UNC5C: variants seen among roughly 807,000 people sequenced by gnomAD.
The protein encoded by UNC5C is unc-5 netrin receptor C.
Under a neutral mutation model 99.8 loss-of-function variants are expected in UNC5C, and 47 were observed. The observed-to-expected ratio is 0.47, with a 90% CI of 0.37 to 0.60. The LOEUF (loss-of-function observed/expected upper bound fraction) is 0.60. Ranked by LOEUF, UNC5C falls within the 20% of genes least tolerant of loss-of-function variation. UNC5C has a pLI of 0.00. For missense variants in UNC5C, 1,062 were observed against 1,165.9 expected (o/e 0.91, Z 1.30); for synonymous variants, 487 against 452.2 (o/e 1.08, Z -0.98).
chr4:95,509,199 T>C (rs1235806306), intron 1 of UNC5C, among the ~76,000 whole-genome samples: 2 of 151,840 alleles, frequency 1.3e-5, no homozygotes, highest in African/African-American at 4.8e-5. Flanking sequence ...GAGAAAATTT[T>C]TTTGTAGTTT....
chr4:95,404,899 C>T (rs764155516), intron 1 of UNC5C, among the ~76,000 whole-genome samples: 4 of 152,112 alleles, frequency 2.6e-5, no homozygotes, highest in African/African-American at 4.8e-5. Context: ...ATCTGAACGC[C>T]GAGAGGAGTC....
chr4:95,394,027 G>T (rs954659605), intron 1 of UNC5C, among the ~76,000 whole-genome samples: 3 of 151,946 alleles, frequency 2.0e-5, no homozygotes, highest in African/African-American at 7.3e-5. Context: ...TGTATGGCTG[G>T]GTAGCTAAGG....
At chr4:95,525,596 T>TATAAAAAA (rs1722476764) in intron 1 of UNC5C, among the ~76,000 whole-genome samples, 1 of 102,162 alleles carries the variant, frequency 9.8e-6, no homozygotes, top group Non-Finnish European at 1.9e-5. Context: ...GCCTATTTCT[T>TATAAAAAA]AAAAAAAAAA....
At chr4:95,365,917 C>T (rs1744548896) in intron 1 of UNC5C, among the ~76,000 whole-genome samples, 1 of 149,898 alleles carries the variant, frequency 6.7e-6, no homozygotes. Flanking sequence ...CAGGATTTCT[C>T]TGCTCTAAAG....
intron 1 of UNC5C, among the ~76,000 whole-genome samples, chr4:95,406,389 A>G (rs1193259921): frequency 6.6e-6 from 1 of 152,184 alleles, no homozygotes. Context: ...AGATGGTGCC[A>G]TGATCCATAG....
At chr4:95,450,443 C>T (rs1213640148) in intron 1 of UNC5C, among the ~76,000 whole-genome samples, 1 of 152,150 alleles carries the variant, frequency 6.6e-6, no homozygotes, top group African/African-American at 2.4e-5. Flanking sequence ...TTGTCTCAAG[C>T]AATCCTTCTG....
intron 1 of UNC5C, among the ~76,000 whole-genome samples, chr4:95,467,423 G>T (rs1747817656): frequency 6.6e-6 from 1 of 152,082 alleles, no homozygotes; most frequent in Non-Finnish European, 1.5e-5. Context: ...CAGAGAGAGA[G>T]AATGGGGCTG....
intron 1 of UNC5C, among the ~76,000 whole-genome samples, chr4:95,472,221 T>A (rs1209424745): frequency 1.3e-5 from 2 of 152,172 alleles, no homozygotes; most frequent in Non-Finnish European, 2.9e-5. Flanking sequence ...TTTTAAAGTA[T>A]TTTAATTAAT....
intron 3 of UNC5C, among the ~76,000 whole-genome samples, chr4:95,300,617 T>C (rs1006269839): frequency 1.5e-4 from 23 of 152,208 alleles, no homozygotes; most frequent in African/African-American, 4.6e-4. Flanking sequence ...ATTGTAAGGA[T>C]TGATTTTCCT....
At chr4:95,324,375 C>T (rs1388457822) in intron 2 of UNC5C, among the ~76,000 whole-genome samples, 2 of 152,178 alleles carry the variant, frequency 1.3e-5, no homozygotes, top group Non-Finnish European at 2.9e-5. Context: ...GAAAAATAAG[C>T]TCAGGGCTCC....
intron 1 of UNC5C, among the ~76,000 whole-genome samples, chr4:95,353,061 T>C (rs546796789): frequency 6.6e-6 from 1 of 152,254 alleles, no homozygotes; most frequent in African/African-American, 2.4e-5. Context: ...CCTTTAAAAT[T>C]TTTTCCACTT....
intron 1 of UNC5C, among the ~76,000 whole-genome samples, chr4:95,435,936 T>G (rs1278841125): frequency 1.3e-5 from 2 of 152,140 alleles, no homozygotes; most frequent in Non-Finnish European, 2.9e-5. Context: ...CTCTTGTGAT[T>G]TTTATTTCCA....
At chr4:95,522,765 T>C (rs942749931) in intron 1 of UNC5C, among the ~76,000 whole-genome samples, 6 of 152,198 alleles carry the variant, frequency 3.9e-5, no homozygotes, top group African/African-American at 1.4e-4. Context: ...CTTCTTTCTT[T>C]TTCTCCTAAT....
chr4:95,544,264 T>C (rs566242027), intron 1 of UNC5C, among the ~76,000 whole-genome samples: 1 of 152,296 alleles, frequency 6.6e-6, no homozygotes, highest in East Asian at 1.9e-4. Flanking sequence ...ACTGACAGAA[T>C]GGGCATACAC....
chr4:95,418,372 T>C (rs1011231502), intron 1 of UNC5C, among the ~76,000 whole-genome samples: 9 of 152,356 alleles, frequency 5.9e-5, no homozygotes, highest in African/African-American at 2.2e-4. Context: ...CTTTGATTCA[T>C]TGACAATTTT....
intron 1 of UNC5C, among the ~76,000 whole-genome samples, chr4:95,354,479 A>ATATATATTTTTTTTTTTT: frequency 2.7e-5 from 3 of 110,342 alleles, no homozygotes; most frequent in Admixed American, 9.4e-5. Context: ...ATATATATAT[A>ATATATATTTTTTTTTTTT]TTTTTTTTTT....
chr4:95,223,473 G>T (rs1266964532), intron 7 of UNC5C, among the ~76,000 whole-genome samples: 2 of 152,164 alleles, frequency 1.3e-5, no homozygotes, highest in Non-Finnish European at 2.9e-5. Flanking sequence ...GTAGTTTGCC[G>T]AACACTCAGT....
chr4:95,186,858 A>G (rs888661131), intron 12 of UNC5C, among the ~76,000 whole-genome samples: 1 of 152,042 alleles, frequency 6.6e-6, no homozygotes, highest in African/African-American at 2.4e-5. Flanking sequence ...CTTGACACAT[A>G]TGTTGTGTCA....
At chr4:95,396,787 G>T (rs1745523141) in intron 1 of UNC5C, among the ~76,000 whole-genome samples, 1 of 151,984 alleles carries the variant, frequency 6.6e-6, no homozygotes, top group Non-Finnish European at 1.5e-5. Context: ...TAACAAAGTT[G>T]CAACCAAGAA....
Sources: gnomAD v4.1 joint callset for allele counts (sites outside exome capture counted in the v4.1 genomes callset) on GRCh38, gnomAD v4.1.1 for gene constraint, MANE v1.5 for transcripts, NCBI Gene and HGNC (gene_info 2026-07-23, HGNC 2026-07-21) for gene names.